Variants in MAML2 observed in about 807,000 individuals in gnomAD.
The protein encoded by MAML2 is mastermind like transcriptional coactivator 2, also known as mastermind-like protein 2.
In MAML2, 22 loss-of-function variants were observed where a neutral mutation model predicts 96.1. The observed-to-expected ratio is 0.23, with a 90% CI of 0.16 to 0.33. The LOEUF (loss-of-function observed/expected upper bound fraction) is 0.33, where lower values mean the gene tolerates loss of function less well. Among genes scored for constraint, MAML2 ranks in the 10% least tolerant of loss-of-function variants. MAML2 has a pLI of 1.00. For synonymous variants in MAML2, 561 were observed against 521.3 expected (o/e 1.08, Z -1.04); for missense variants, 1,367 against 1,392.4 (o/e 0.98, Z 0.29).
chr11:96,036,440 A>T (rs1469380730), intron 2 of MAML2, among the ~76,000 whole-genome samples: 2 of 152,200 alleles, frequency 1.3e-5, no homozygotes, highest in Non-Finnish European at 2.9e-5. Context: ...GAAAGAACAC[A>T]TGATCACCAT....
At chr11:96,148,277 C>G (rs1860852246) in intron 1 of MAML2, among the ~76,000 whole-genome samples, 2 of 152,032 alleles carry the variant, frequency 1.3e-5, no homozygotes, top group Non-Finnish European at 2.9e-5. Flanking sequence ...CATTCAGATT[C>G]AATGATTTTC....
chr11:96,283,336 G>C (rs999089826), intron 1 of MAML2, among the ~76,000 whole-genome samples: 1 of 152,134 alleles, frequency 6.6e-6, no homozygotes, highest in Non-Finnish European at 1.5e-5. Context: ...TCACTCTTTA[G>C]CACATTTTTT....
At position 96,193,355 on chromosome 11, in the gene MAML2, C is replaced by A. The variant is rs546923515; in HGVS notation, c.514-99838G>T. On this transcript the variant is annotated intron_variant, in intron 1 of 4. Coordinates refer to ENST00000524717, the MANE Select transcript of MAML2 (RefSeq NM_032427.4). Reference sequence around the variant, plus strand: ...TTGCACTCCAGCCTGGGCGACAGGGCGAGACTCCATTTCAACAACAACAAA... The same window carrying A: ...TTGCACTCCAGCCTGGGCGACAGGGAGAGACTCCATTTCAACAACAACAAA... Among the ~76,000 whole-genome samples the A allele has an allele frequency of 9.9e-4, 151 of 152,070 alleles. 1 individual carries two copies. The highest frequency in any genetic ancestry group is 3.4e-3 in the African/African-American group (143 of 41,488).
chr11:96,111,227 G>A (rs530989735), intron 1 of MAML2, among the ~76,000 whole-genome samples: 1 of 152,174 alleles, frequency 6.6e-6, no homozygotes, highest in African/African-American at 2.4e-5. Context: ...ATATCATTAA[G>A]TAACACCCTT....
At chr11:96,114,891 T>A (rs1208441018) in intron 1 of MAML2, among the ~76,000 whole-genome samples, 1 of 151,312 alleles carries the variant, frequency 6.6e-6, no homozygotes, top group African/African-American at 2.4e-5. Flanking sequence ...GTAGGGAGGG[T>A]GGAGAGGGAA....
At chr11:96,009,220 T>A (rs957150926) in intron 2 of MAML2, among the ~76,000 whole-genome samples, 5 of 152,232 alleles carry the variant, frequency 3.3e-5, no homozygotes, top group African/African-American at 1.2e-4. Flanking sequence ...TGTATAGCAG[T>A]CCTTCTGCAC....
intron 1 of MAML2, among the ~76,000 whole-genome samples, chr11:96,157,191 A>G (rs770818143): frequency 5.3e-5 from 8 of 152,230 alleles, no homozygotes; most frequent in Non-Finnish European, 1.0e-4. Flanking sequence ...GTAAAGATGC[A>G]TGTCAGAATG....
At chr11:96,111,989 A>G (rs886521174) in intron 1 of MAML2, among the ~76,000 whole-genome samples, 12 of 152,048 alleles carry the variant, frequency 7.9e-5, no homozygotes, top group Non-Finnish European at 1.6e-4. Flanking sequence ...ACAATCATCT[A>G]TCACAGGGCC....
chr11:96,192,119 G>A lies in MAML2; in HGVS notation c.514-98602C>T, dbSNP rs772312407. Among the ~76,000 whole-genome samples the A allele has an allele frequency of 3.9e-4, 60 of 152,196 alleles. 1 individual carries two copies. Among genetic ancestry groups the A allele is most frequent in the Non-Finnish European group, 6.9e-4 (47 of 68,038 alleles). ...CAGAGTCTAAAGGAGGAAAGTAGAG[G>A]CTTTGAAGTCAAGTGAGGGTGAGCT... is the stretch of plus-strand genomic sequence containing the variant. On this transcript the variant is annotated intron_variant, in intron 1 of 4. Coordinates refer to ENST00000524717, the MANE Select transcript of MAML2 (RefSeq NM_032427.4).
intron 3 of MAML2, among the ~76,000 whole-genome samples, chr11:95,986,699 G>T (rs621309): frequency 0.042 from 6,428 of 152,178 alleles, 158 homozygotes; most frequent in Middle Eastern, 0.071. Context: ...CTTGCTCAAG[G>T]TCACACAGTG....
intron 1 of MAML2, among the ~76,000 whole-genome samples, chr11:96,107,755 C>G (rs897948370): frequency 1.3e-5 from 2 of 152,106 alleles, no homozygotes; most frequent in Non-Finnish European, 1.5e-5. Context: ...TAATCAACCA[C>G]GTCTATGTAA....
intron 1 of MAML2, among the ~76,000 whole-genome samples, chr11:96,240,781 C>T (rs1862427829): frequency 6.6e-6 from 1 of 151,910 alleles, no homozygotes; most frequent in Admixed American, 6.6e-5. Context: ...GGTACTATTA[C>T]AGTATATAAA....
At chr11:96,273,323 C>T (rs764248698) in intron 1 of MAML2, among the ~76,000 whole-genome samples, 46 of 152,200 alleles carry the variant, frequency 3.0e-4, no homozygotes, top group African/African-American at 1.0e-3. Context: ...TCTCTTGAAA[C>T]GTATTTTTTT....
chr11:95,979,676 C>T lies in MAML2; in HGVS notation c.2743G>A (p.Gly915Arg). The T allele has an allele frequency of 6.2e-7, 1 of 1,613,882 alleles. No homozygotes were observed. ...NPMMPRPPTL[G>R]PSNNNNVATF... is the part of the protein sequence containing the mutation. Reference sequence around the variant, plus strand: ...GCTACATTGTTATTATTACTTGGCCCTAAGGTAGGTGGCCGTGGCATCATA... The same window carrying T: ...GCTACATTGTTATTATTACTTGGCCTTAAGGTAGGTGGCCGTGGCATCATA... Residue 915 changes from glycine (G) to arginine (R), a missense_variant, in exon 5 of 5, where the codon GGG becomes AGG. Transcript: ENST00000524717.
chr11:96,050,782 T>TA (rs770525553), intron 2 of MAML2, among the ~76,000 whole-genome samples: 1 of 152,198 alleles, frequency 6.6e-6, no homozygotes, highest in Non-Finnish European at 1.5e-5. Flanking sequence ...ATGGAGTTGT[T>TA]ACAAGAGTTA....
At chr11:96,128,987 C>A (rs1246518243) in intron 1 of MAML2, among the ~76,000 whole-genome samples, 1 of 152,126 alleles carries the variant, frequency 6.6e-6, no homozygotes, top group Non-Finnish European at 1.5e-5. Flanking sequence ...TGAGGACAAT[C>A]CATTGTTAGG....
chr11:96,334,941 A>T (rs1863898915), intron 1 of MAML2, among the ~76,000 whole-genome samples: 1 of 152,198 alleles, frequency 6.6e-6, no homozygotes, highest in African/African-American at 2.4e-5. Flanking sequence ...CATGTCCTCT[A>T]TAGGGAAGTG....
chr11:96,282,712 C>A (rs1272243217), intron 1 of MAML2, among the ~76,000 whole-genome samples: 2 of 152,168 alleles, frequency 1.3e-5, no homozygotes, highest in African/African-American at 4.8e-5. Flanking sequence ...TCCCTACAAT[C>A]TCTAATCATG....
rs1203294949 is a variant in MAML2 at position 95,998,149 on chromosome 11, T to TGTCA, written c.2140-6427_2140-6426insTGAC. 8.7e-5 allele frequency among the ~76,000 whole-genome samples: 12 copies of TGTCA among 137,768 alleles called. No individual in the cohort carries two copies. The East Asian group carries it at 2.6e-3, about 29-fold the overall frequency. 90.4% of individuals were successfully genotyped at this position (137,768 alleles called of 152,430 possible). A position where few individuals can be genotyped will look rare whatever the true frequency, so the allele number is the denominator to read the frequency against. On this transcript the variant is annotated intron_variant, in intron 2 of 4. Transcript: ENST00000524717. Reference sequence around the variant, plus strand: ...CTGTCTGTCTGTCTGTCAGTCTGTCTGTCTGTCTGTCTGTCTGTCTGTCTG... The same window carrying TGTCA: ...CTGTCTGTCTGTCTGTCAGTCTGTCTGTCAGTCTGTCTGTCTGTCTGTCTGTCTG...
Sources: gnomAD v4.1 joint callset for allele counts (sites outside exome capture counted in the v4.1 genomes callset) on GRCh38, gnomAD v4.1.1 for gene constraint, MANE v1.5 for transcripts, NCBI Gene and HGNC (gene_info 2026-07-23, HGNC 2026-07-21) for gene names.